THSD7B: variants seen among roughly 807,000 people sequenced by gnomAD.
The protein encoded by THSD7B is thrombospondin type 1 domain containing 7B.
In THSD7B, 138 loss-of-function variants were observed where a neutral mutation model predicts 213.6. The ratio of observed to expected loss-of-function variants is 0.65; its 90% CI spans 0.56 to 0.74. The LOEUF is 0.74. THSD7B is among the 30% of genes least tolerant of loss of function. The pLI is 0.00. For missense variants in THSD7B, 1,931 were observed against 1,991.5 expected, an observed-to-expected ratio of 0.97 and a Z score of 0.58; for synonymous variants, 742 against 687.0, an observed-to-expected ratio of 1.08 and a Z score of -1.25.
At chr2:137,578,798 T>C (rs934804740) in intron 17 of THSD7B, among the ~76,000 whole-genome samples, 4 of 152,176 alleles carry the variant, frequency 2.6e-5, no homozygotes, top group Admixed American at 6.5e-5. Context: ...CAAGGTAACA[T>C]TTTATTTCAT....
At chr2:137,237,025 C>T (rs922986618) in intron 9 of THSD7B, among the ~76,000 whole-genome samples, 4 of 151,468 alleles carry the variant, frequency 2.6e-5, no homozygotes, top group East Asian at 3.9e-4. Context: ...GCAGGAGAAT[C>T]CCTTGAACCT....
At chr2:136,780,182 G>A (rs994486165) in intron 1 of THSD7B, among the ~76,000 whole-genome samples, 1 of 152,142 alleles carries the variant, frequency 6.6e-6, no homozygotes, top group African/African-American at 2.4e-5. Flanking sequence ...TGGGAAGTGC[G>A]AGATCAAGGC....
chr2:136,959,123 A>G (rs1444316614), intron 2 of THSD7B, among the ~76,000 whole-genome samples: 1 of 152,232 alleles, frequency 6.6e-6, no homozygotes, highest in Non-Finnish European at 1.5e-5. Flanking sequence ...TTTAGAGGTT[A>G]GACACTACCT....
chr2:137,355,809 G>A (rs1392748493), intron 12 of THSD7B, among the ~76,000 whole-genome samples: 1 of 152,198 alleles, frequency 6.6e-6, no homozygotes, highest in Non-Finnish European at 1.5e-5. Context: ...TCTGTAAAGT[G>A]GGAATGGTCA....
At chr2:137,360,521 C>CT (rs1480269591) in intron 12 of THSD7B, among the ~76,000 whole-genome samples, 1 of 152,148 alleles carries the variant, frequency 6.6e-6, no homozygotes, top group Non-Finnish European at 1.5e-5. Flanking sequence ...AAATACTGCA[C>CT]TATTCCAAAG....
intron 12 of THSD7B, among the ~76,000 whole-genome samples, chr2:137,340,481 A>G (rs989577670): frequency 1.3e-5 from 2 of 151,932 alleles, no homozygotes. Flanking sequence ...TGAAATGTAC[A>G]ATATTATTAA....
chr2:137,267,311 A>G (rs1682612830), intron 10 of THSD7B, among the ~76,000 whole-genome samples: 1 of 152,202 alleles, frequency 6.6e-6, no homozygotes, highest in African/African-American at 2.4e-5. Context: ...ATGTTGGCAA[A>G]CAGGCACTTT....
chr2:137,002,850 A>AT (rs1318153870), intron 2 of THSD7B, among the ~76,000 whole-genome samples: 1 of 152,114 alleles, frequency 6.6e-6, no homozygotes, highest in African/African-American at 2.4e-5. Flanking sequence ...TTATGCACAG[A>AT]TTTTTTCTTA....
intron 12 of THSD7B, among the ~76,000 whole-genome samples, chr2:137,396,612 G>T (rs1686196622): frequency 7.2e-6 from 1 of 138,484 alleles, no homozygotes; most frequent in Admixed American, 7.2e-5. Context: ...AATAGGTGTG[G>T]TGTGGTGCTG....
intron 12 of THSD7B, among the ~76,000 whole-genome samples, chr2:137,396,305 C>T (rs1453996186): frequency 7.7e-6 from 1 of 130,044 alleles, no homozygotes; most frequent in African/African-American, 2.8e-5. Context: ...GCATTTAGTG[C>T]TACAAATTTC....
chr2:137,038,538 G>T (rs1286505007), intron 2 of THSD7B, among the ~76,000 whole-genome samples: 1 of 152,144 alleles, frequency 6.6e-6, no homozygotes, highest in East Asian at 1.9e-4. Flanking sequence ...GAACAGCTGG[G>T]TTATGTTTAA....
chr2:137,507,531 C>G (rs1351550292), intron 15 of THSD7B, among the ~76,000 whole-genome samples: 1 of 152,090 alleles, frequency 6.6e-6, no homozygotes, highest in Non-Finnish European at 1.5e-5. Flanking sequence ...AGTCATAAAT[C>G]CCCGCTTCCT....
At chr2:137,144,154 T>C (rs1679645360) in intron 5 of THSD7B, among the ~76,000 whole-genome samples, 1 of 152,074 alleles carries the variant, frequency 6.6e-6, no homozygotes, top group African/African-American at 2.4e-5. Context: ...TTTTGAGGCA[T>C]AAACTAGAGG....
At chr2:137,434,337 A>C (rs548924477) in intron 14 of THSD7B, among the ~76,000 whole-genome samples, 62 of 152,284 alleles carry the variant, frequency 4.1e-4, no homozygotes, top group African/African-American at 1.5e-3. Context: ...TGAGTGATCT[A>C]AAGGAGCCCA....
At chr2:137,344,449 T>C (rs189418847) in intron 12 of THSD7B, among the ~76,000 whole-genome samples, 248 of 151,830 alleles carry the variant, frequency 1.6e-3, no homozygotes, top group Non-Finnish European at 2.7e-3. Flanking sequence ...TGCATAACAT[T>C]CATAGTAGAG....
chr2:137,196,517 A>T (rs934492799), intron 7 of THSD7B, among the ~76,000 whole-genome samples: 7 of 150,986 alleles, frequency 4.6e-5, no homozygotes, highest in African/African-American at 1.7e-4. Flanking sequence ...TCATAGTTTG[A>T]TCCCTAAATA....
intron 25 of THSD7B, among the ~76,000 whole-genome samples, chr2:137,662,201 T>A (rs915969633): frequency 2.7e-5 from 4 of 149,206 alleles, no homozygotes; most frequent in Admixed American, 1.3e-4. Flanking sequence ...TAGCTAGGAC[T>A]ACAGATGCCC....
chr2:137,527,921 A>G (rs1186793940), intron 15 of THSD7B, among the ~76,000 whole-genome samples: 1 of 152,066 alleles, frequency 6.6e-6, no homozygotes, highest in Non-Finnish European at 1.5e-5. Context: ...TGGATTCTAG[A>G]GTCATTATTT....
At chr2:136,964,261 T>A (rs978373186) in intron 2 of THSD7B, among the ~76,000 whole-genome samples, 4 of 152,104 alleles carry the variant, frequency 2.6e-5, no homozygotes, top group African/African-American at 9.7e-5. Context: ...CTAATCCTTT[T>A]AGGATTAGGA....
Sources: allele counts gnomAD v4.1 joint callset (sites outside exome capture counted in the v4.1 genomes callset), GRCh38; gene constraint gnomAD v4.1.1; transcripts MANE v1.5; gene names NCBI Gene and HGNC (gene_info 2026-07-23, HGNC 2026-07-21).